ATP2C1: variants seen among roughly 807,000 people sequenced by gnomAD.
ATP2C1 encodes ATPase secretory pathway Ca2+ transporting 1, also known as calcium-transporting ATPase type 2C member 1.
A neutral mutation model predicts 120.5 loss-of-function variants in ATP2C1; 31 were observed. That is an observed-to-expected ratio of 0.26 (90% CI 0.19 to 0.35). The LOEUF (loss-of-function observed/expected upper bound fraction) is 0.35. Among genes scored for constraint, ATP2C1 ranks in the 10% least tolerant of loss-of-function variants. ATP2C1 has a pLI of 1.00. For missense variants in ATP2C1, 731 were observed against 1,107.5 expected (o/e 0.66, Z 4.83); for synonymous variants, 351 against 358.7 (o/e 0.98, Z 0.24).
chr3:130,956,201 A>G (rs1413196794), intron 11 of ATP2C1, 22 bp downstream of exon 11: 13 of 1,465,948 alleles, frequency 8.9e-6, no homozygotes, highest in Non-Finnish European at 1.0e-5. Flanking sequence ...GTGAGTATGT[A>G]TATATTTTTA....
At chr3:130,987,100 G>C (rs1487775974) in intron 20 of ATP2C1, among the ~76,000 whole-genome samples, 1 of 148,280 alleles carries the variant, frequency 6.7e-6, no homozygotes, top group Non-Finnish European at 1.5e-5. Context: ...CACTATGCTT[G>C]GGTAATTAAA....
At chr3:130,997,813 T>TA (rs751479901) in intron 25 of ATP2C1, 60 bp downstream of exon 25, 3 of 1,569,716 alleles carry the variant, frequency 1.9e-6, no homozygotes, top group East Asian at 4.5e-5. Context: ...ATAGGATTCT[T>TA]AGTTATTTTG....
intron 21 of ATP2C1, 94 bp downstream of exon 21, chr3:130,993,095 A>G: frequency 9.0e-7 from 1 of 1,111,410 alleles, no homozygotes; most frequent in Non-Finnish European, 1.4e-6. Context: ...TAGAGCATCA[A>G]GGTCAGAAAT....
intron 20 of ATP2C1, among the ~76,000 whole-genome samples, chr3:130,984,740 T>C (rs1458848946): frequency 6.6e-6 from 1 of 152,152 alleles, no homozygotes; most frequent in African/African-American, 2.4e-5. Flanking sequence ...AAAAATCTAA[T>C]TCTGGAAAAA....
chr3:130,899,587 G>A (rs2107968836), intron 2 of ATP2C1: 1 of 152,266 alleles, frequency 6.6e-6, no homozygotes, highest in East Asian at 1.9e-4. Context: ...TGAAACTCAT[G>A]TTGTTAAAGA....
chr3:130,957,616 G>A (rs753353014), intron 11 of ATP2C1, among the ~76,000 whole-genome samples: 5 of 152,006 alleles, frequency 3.3e-5, no homozygotes, highest in Non-Finnish European at 5.9e-5. Flanking sequence ...GCGCAATCCC[G>A]GCTGACTGTA....
intron 27 of ATP2C1, among the ~76,000 whole-genome samples, chr3:131,000,826 G>A (rs2062847319): frequency 6.6e-6 from 1 of 152,150 alleles, no homozygotes; most frequent in Non-Finnish European, 1.5e-5. Context: ...GTGGTGGCCA[G>A]GCGCCATGCC....
At chr3:130,912,884 A>G (rs1490809331) in intron 2 of ATP2C1, among the ~76,000 whole-genome samples, 1 of 152,134 alleles carries the variant, frequency 6.6e-6, no homozygotes, top group African/African-American at 2.4e-5. Context: ...CTGGATTAAG[A>G]AAATGTGGCA....
At chr3:130,924,499 C>CT (rs1460937893) in intron 2 of ATP2C1, among the ~76,000 whole-genome samples, 3 of 152,184 alleles carry the variant, frequency 2.0e-5, no homozygotes, top group Admixed American at 6.5e-5. Flanking sequence ...CCCCACAGCT[C>CT]TTAAGATTCT....
At chr3:130,981,277 T>C (rs2061751839) in intron 20 of ATP2C1, among the ~76,000 whole-genome samples, 1 of 152,206 alleles carries the variant, frequency 6.6e-6, no homozygotes. Context: ...TAGAATGCAC[T>C]AAAAATTGAA....
chr3:130,864,171 G>A (rs372843054), intron 1 of ATP2C1, among the ~76,000 whole-genome samples: 1 of 152,230 alleles, frequency 6.6e-6, no homozygotes, highest in Non-Finnish European at 1.5e-5. Flanking sequence ...GTCTCAGATG[G>A]AGATGAGGAA....
rs953562840 is a variant in ATP2C1 at position 130,912,817 on chromosome 3, G to A, written c.7-17599G>A. 9.9e-5 allele frequency among the ~76,000 whole-genome samples: 15 copies of A among 151,748 alleles called. 1 individual carries two copies. The highest frequency in any genetic ancestry group is 2.1e-4 in the Non-Finnish European group (14 of 67,976). On this transcript the variant is annotated intron_variant, in intron 2 of 27. Coordinates refer to ENST00000510168, the MANE Select transcript of ATP2C1 (RefSeq NM_001378687.1). ...ACACATGCACATGTATGTTTATTGC[G>A]GCATTATTCACAATAGCAAAAACTT...
chr3:131,016,016 C>A, intron 26 of ATP2C1: 1 of 1,187,624 alleles, frequency 8.4e-7, no homozygotes. Flanking sequence ...AAATCAATTA[C>A]ATTAAGATTA....
intron 8 of ATP2C1, among the ~76,000 whole-genome samples, chr3:130,942,455 G>T (rs1576814238): frequency 1.3e-5 from 2 of 152,310 alleles, no homozygotes; most frequent in East Asian, 3.9e-4. Context: ...AAACCCATTA[G>T]TATGCAGGTC....
intron 2 of ATP2C1, among the ~76,000 whole-genome samples, chr3:130,922,920 A>G (rs979325201): frequency 6.6e-6 from 1 of 152,208 alleles, no homozygotes. Flanking sequence ...GGTGAAAAGA[A>G]TGTATATTCT....
At chr3:131,014,212 T>C (rs771812777) in intron 26 of ATP2C1, 2 of 1,614,052 alleles carry the variant, frequency 1.2e-6, no homozygotes, top group South Asian at 2.2e-5. Flanking sequence ...CTTTTTTTTT[T>C]TGAATTTGAT....
At chr3:130,999,429 A>G in intron 26 of ATP2C1, 89 bp from the exon 27 acceptor site, 1 of 1,313,168 alleles carries the variant, frequency 7.6e-7, no homozygotes, top group East Asian at 2.3e-5. Context: ...ATAAAGTGAC[A>G]CTGCTTGTTA....
intron 1 of ATP2C1, among the ~76,000 whole-genome samples, chr3:130,853,588 G>A (rs2067744815): frequency 6.6e-6 from 1 of 152,152 alleles, no homozygotes; most frequent in Non-Finnish European, 1.5e-5. Context: ...TTGCCCTCCT[G>A]GAGGTCTCCT....
Position 130,959,252 on chromosome 3 carries a change from ATAAC to A in ATP2C1, c.833-20_833-17del, listed in dbSNP as rs1476684519. Reference sequence around the variant, plus strand: ...AGGTGATTGTATGTAAAAGGGAAAAATAACTATTTAATTATCTTTCAGGAATCAT... The same window carrying A: ...AGGTGATTGTATGTAAAAGGGAAAAATATTTAATTATCTTTCAGGAATCAT... On this transcript the variant is annotated intron_variant, in intron 11 of 27. Transcript: ENST00000510168. The A allele has an allele frequency of 1.3e-6, 2 of 1,576,138 alleles. No homozygotes were observed. Among genetic ancestry groups the A allele is most frequent in the Non-Finnish European group, 8.7e-7 (1 of 1,146,680 alleles).
Sources: allele counts gnomAD v4.1 joint callset (sites outside exome capture counted in the v4.1 genomes callset), GRCh38; gene constraint gnomAD v4.1.1; transcripts MANE v1.5; gene names NCBI Gene and HGNC (gene_info 2026-07-23, HGNC 2026-07-21).